The following MAP1B variants were observed in gnomAD, a reference collection of about 807,000 sequenced individuals.
MAP1B encodes the protein microtubule-associated protein 1B.
A neutral mutation model predicts 176.1 loss-of-function variants in MAP1B; 12 were observed. The observed-to-expected ratio is 0.07, with a 90% CI of 0.04 to 0.11. MAP1B has a LOEUF of 0.11. MAP1B is among the 10% of genes least tolerant of loss of function. The pLI is 1.00. For synonymous variants in MAP1B, 1,044 were observed against 1,135.0 expected, an observed-to-expected ratio of 0.92 and a Z score of 1.61; for missense variants, 2,523 against 2,990.5, an observed-to-expected ratio of 0.84 and a Z score of 3.65.
intron 2 of MAP1B, among the ~76,000 whole-genome samples, chr5:72,124,231 C>T (rs1335095941): frequency 6.6e-6 from 1 of 152,102 alleles, no homozygotes; most frequent in Non-Finnish European, 1.5e-5. Flanking sequence ...AGGGTAATTT[C>T]TATTGCATGT....
intron 2 of MAP1B, among the ~76,000 whole-genome samples, chr5:72,135,614 A>T (rs186815553): frequency 2.0e-3 from 302 of 152,252 alleles, no homozygotes; most frequent in African/African-American, 7.0e-3. Flanking sequence ...TTTTCTTGGG[A>T]GTTTTTAGAA....
In MAP1B at chr5:72,186,514, TG is replaced by T; in HGVS notation, c.370-98del. On this transcript the variant is annotated intron_variant, in intron 3 of 6. Coordinates refer to ENST00000296755, the MANE Select transcript of MAP1B (RefSeq NM_005909.5). The surrounding 1 kb of genome is among the most constrained non-coding windows in gnomAD (Gnocchi z 4.3). The stretch of plus-strand genomic sequence containing the variant: ...CCTTTGGGGAATGAATGCTTTTTGC[TG>T]GTAATAAACTCCCATGGCTCCGAAG... The T allele has an allele frequency of 7.0e-7, 1 of 1,423,930 alleles. No individual in the cohort carries two copies. Among genetic ancestry groups the T allele is most frequent in the Non-Finnish European group, 9.6e-7 (1 of 1,046,976 alleles). 88.2% of individuals were successfully genotyped at this position (1,423,930 alleles called of 1,614,324 possible).
At chr5:72,107,807 C>T (rs1745133289) in intron 1 of MAP1B, 92 bp downstream of exon 1, 2 of 1,349,992 alleles carry the variant, frequency 1.5e-6, no homozygotes, top group Non-Finnish European at 2.0e-6. Context: ...TCCTCCCGCG[C>T]GCCCCGCACC....
chr5:72,187,773 T>C (rs929304606), intron 4 of MAP1B, among the ~76,000 whole-genome samples: 4 of 152,208 alleles, frequency 2.6e-5, no homozygotes, highest in African/African-American at 9.7e-5. Flanking sequence ...ACTGCCCAAC[T>C]TCATCTGAGT....
In MAP1B at chr5:72,208,006, A is replaced by G. The variant is rs1747492155; in HGVS notation, c.*2767A>G. The G allele has an allele frequency of 6.8e-6, 1 of 147,310 alleles. No homozygotes were observed. The allele number at this position is 147,310 out of a possible 1,614,324, so 9.1% of individuals were successfully genotyped here. A position where few individuals can be genotyped will look rare whatever the true frequency, so the allele number is the denominator to read the frequency against. ...TTTGCTATGGGATTTAATGGGAAAAATATGTAAAAACTGTCACTAGTCAGC... is the reference window on the plus strand; with the variant it reads ...TTTGCTATGGGATTTAATGGGAAAAGTATGTAAAAACTGTCACTAGTCAGC... On this transcript the variant is annotated 3_prime_UTR_variant, in exon 7 of 7. Transcript: ENST00000296755.
At position 72,200,379 on chromosome 5, in the gene MAP1B, A is replaced by G. The variant is rs750300447; in HGVS notation, c.7012+12A>G. 1 of 1,610,786 alleles carries G rather than the reference A, an allele frequency of 6.2e-7. No homozygotes were observed. The highest frequency in any genetic ancestry group is 2.2e-5 in the East Asian group (1 of 44,874). On this transcript the variant is annotated intron_variant, in intron 5 of 6. Transcript: ENST00000296755. Reference sequence around the variant, plus strand: ...GACCGCCACTGCAGGTAGGTTGAGAAGGCTGGGCATTGGATATATGTCACA... The same window carrying G: ...GACCGCCACTGCAGGTAGGTTGAGAGGGCTGGGCATTGGATATATGTCACA...
chr5:72,138,827 CAATGACACCCAAATTG>C (rs1468453938), intron 2 of MAP1B, among the ~76,000 whole-genome samples: 4 of 152,208 alleles, frequency 2.6e-5, no homozygotes, highest in Non-Finnish European at 5.9e-5. Flanking sequence ...CACCCAATTT[CAATGACACCCAAATTG>C]TAATATGGGT....
At position 72,186,837 on chromosome 5, in the gene MAP1B, A is replaced by G; in HGVS notation, c.510+83A>G. On this transcript the variant is annotated intron_variant, in intron 4 of 6. Transcript: ENST00000296755. The surrounding 1 kb of genome is among the most constrained non-coding windows in gnomAD (Gnocchi z 4.3). ...CTTTGAGAGCACTGGGGGAGACAAA[A>G]GAAGAAGGGAGGGAACCTCACAGCT... 2.0e-6 allele frequency: 3 copies of G among 1,506,482 alleles called. No individual in the cohort carries two copies. The highest frequency in any genetic ancestry group is 2.7e-6 in the Non-Finnish European group (3 of 1,096,564). The allele number at this position is 1,506,482 out of a possible 1,614,324, so 93.3% of individuals were successfully genotyped here.
chr5:72,181,609 G>A (rs1378550652), intron 2 of MAP1B, among the ~76,000 whole-genome samples: 1 of 152,010 alleles, frequency 6.6e-6, no homozygotes, highest in East Asian at 1.9e-4. Flanking sequence ...CCAGGCTAGG[G>A]TGCAATGACA....
chr5:72,163,555 CTT>C (rs1746365909), intron 2 of MAP1B, among the ~76,000 whole-genome samples: 1 of 152,146 alleles, frequency 6.6e-6, no homozygotes, highest in South Asian at 2.1e-4. Flanking sequence ...GAATCAGATA[CTT>C]TTTTTGCCAC....
chr5:72,194,088 A>T lies in MAP1B; in HGVS notation c.733A>T (p.Ile245Phe). 2 of 1,614,208 alleles carry T rather than the reference A, an allele frequency of 1.2e-6. No individual in the cohort carries two copies. Among genetic ancestry groups the T allele is most frequent in the African/African-American group, 1.3e-5 (1 of 75,046 alleles). ...AGTGGAAGTCCCATCTCCCTTTGAC[A>T]TCTTGGAACCTCCCACATCGGGTGG... Reference protein sequence around the residue: ...ESVEVPSPFDILEPPTSGGFL... With the variant: ...ESVEVPSPFDFLEPPTSGGFL... Residue 245 changes from isoleucine to phenylalanine, a missense_variant, in exon 5 of 7, where the codon ATC (isoleucine) becomes TTC (phenylalanine). Ile to Phe is a conservative substitution (Grantham distance 21). This residue lies in a region of MAP1B where 307 missense variants were observed against 438.4 expected (regional missense o/e 0.70). Coordinates refer to ENST00000296755, the MANE Select transcript of MAP1B (RefSeq NM_005909.5). The surrounding 1 kb of genome is among the most constrained non-coding windows in gnomAD (Gnocchi z 7.2).
intron 2 of MAP1B, among the ~76,000 whole-genome samples, chr5:72,119,491 G>A (rs901765940): frequency 6.6e-6 from 1 of 152,196 alleles, no homozygotes; most frequent in Non-Finnish European, 1.5e-5. Context: ...TCAAAATAGA[G>A]CAACAGTCTT....
intron 4 of MAP1B, chr5:72,193,372 T>C (rs1333224789): frequency 3.0e-6 from 1 of 337,214 alleles, no homozygotes; most frequent in African/African-American, 2.3e-5. Context: ...CCAAGTCTAG[T>C]GGAATAAAAG....
intron 2 of MAP1B, among the ~76,000 whole-genome samples, chr5:72,143,866 T>G (rs1745996683): frequency 6.6e-6 from 1 of 152,178 alleles, no homozygotes; most frequent in African/African-American, 2.4e-5. Context: ...TATTTATTTT[T>G]TTTGTAAAGA....
At chr5:72,116,057 C>T (rs2112121141) in intron 2 of MAP1B, 3 of 372,840 alleles carry the variant, frequency 8.0e-6, no homozygotes, top group East Asian at 1.2e-4. Flanking sequence ...TACACACACA[C>T]ACATCAATGA....
chr5:72,120,276 G>T (rs1179179450), intron 2 of MAP1B, among the ~76,000 whole-genome samples: 1 of 152,140 alleles, frequency 6.6e-6, no homozygotes, highest in Non-Finnish European at 1.5e-5. Context: ...CTAGCATAAT[G>T]ATGAAGAGTA....
At chr5:72,166,447 T>G (rs1746430852) in intron 2 of MAP1B, among the ~76,000 whole-genome samples, 1 of 152,170 alleles carries the variant, frequency 6.6e-6, no homozygotes, top group Non-Finnish European at 1.5e-5. Context: ...GCCTCCAAAA[T>G]ATTCCGTGTA....
At position 72,186,618 on chromosome 5, in the gene MAP1B, G is replaced by A. The variant is rs747897650; in HGVS notation, c.374G>A (p.Arg125His). ...PSDEAVSTEV[R>H]LMITDAARHK... Reference sequence around the variant, plus strand: ...ACGTTCTGTGCTTTATTTCAGGTGCGCTTAATGATCACTGATGCTGCCCGA... The same window carrying A: ...ACGTTCTGTGCTTTATTTCAGGTGCACTTAATGATCACTGATGCTGCCCGA... The change falls in exon 4 of 7, where the codon CGC (arginine) becomes CAC (histidine). Residue 125 changes from arginine to histidine, a missense_variant. This residue lies in a region of MAP1B where 307 missense variants were observed against 438.4 expected (regional missense o/e 0.70). Transcript: ENST00000296755. This position sits in a 1 kb window ranked among gnomAD's most constrained non-coding sequence, Gnocchi z 4.3. The A allele has an allele frequency of 2.5e-6, 4 of 1,613,834 alleles. No individual in the cohort carries two copies. The highest frequency in any genetic ancestry group is 1.7e-4 in the Middle Eastern group (1 of 5,944).
At chr5:72,118,812 A>G (rs1745476227) in intron 2 of MAP1B, among the ~76,000 whole-genome samples, 1 of 152,178 alleles carries the variant, frequency 6.6e-6, no homozygotes, top group Non-Finnish European at 1.5e-5. Flanking sequence ...TTTATGACAT[A>G]AGTAAATTAA....
Sources: gnomAD v4.1 joint callset for allele counts (sites outside exome capture counted in the v4.1 genomes callset) on GRCh38, gnomAD v4.1.1 for gene constraint, gnomAD v4.1.1 regional missense constraint, Gnocchi (gnomAD v3.1) non-coding constraint, MANE v1.5 for transcripts, NCBI Gene and HGNC (gene_info 2026-07-23, HGNC 2026-07-21) for gene names.